ZNF676: variants seen among roughly 807,000 people sequenced by gnomAD.
ZNF676 encodes the protein zinc finger protein 676.
ZNF676 carries 4 observed loss-of-function variants against 6.0 expected under a neutral mutation model. The ratio of observed to expected loss-of-function variants is 0.67; its 90% CI spans 0.33 to 1.53. The LOEUF (loss-of-function observed/expected upper bound fraction) is 1.53, where lower values mean the gene tolerates loss of function less well. Ranked by LOEUF, ZNF676 falls within the 40% of genes most tolerant of loss-of-function variation. The pLI, the probability that ZNF676 is intolerant of heterozygous loss-of-function variation, is 0.06. For missense variants in ZNF676, 644 were observed against 679.7 expected (o/e 0.95, Z 0.58); for synonymous variants, 198 against 223.1 (o/e 0.89, Z 1.00).
At chr19:22,209,345 T>G (rs1315542217) in intron 1 of ZNF676, among the ~76,000 whole-genome samples, 1 of 125,650 alleles carries the variant, frequency 8.0e-6, no homozygotes. Context: ...AAAAAAAGAG[T>G]ATGTCCTTTG....
chr19:22,241,811 C>T, the ZNF676 span, among the ~76,000 whole-genome samples: 1 of 151,844 alleles, frequency 6.6e-6, no homozygotes, highest in African/African-American at 2.4e-5. Context: ...AAATGAGTCA[C>T]CATCTCATTT....
chr19:22,239,185 T>C, the ZNF676 span, among the ~76,000 whole-genome samples: 5 of 151,488 alleles, frequency 3.3e-5, no homozygotes, highest in African/African-American at 1.2e-4. Flanking sequence ...ACAGTCACAA[T>C]TCCAACTGTG....
At chr19:22,228,812 C>A in the ZNF676 span, among the ~76,000 whole-genome samples, 1 of 152,060 alleles carries the variant, frequency 6.6e-6, no homozygotes, top group Non-Finnish European at 1.5e-5. Flanking sequence ...TGTGAAGGAC[C>A]TTTTCAAGGA....
At chr19:22,194,164 G>C (rs1487704031) in intron 1 of ZNF676, among the ~76,000 whole-genome samples, 1 of 152,170 alleles carries the variant, frequency 6.6e-6, no homozygotes, top group African/African-American at 2.4e-5. Context: ...CATGCTTGGA[G>C]CACAATTCCT....
intron 1 of ZNF676, among the ~76,000 whole-genome samples, chr19:22,214,780 C>T (rs1483072250): frequency 1.3e-5 from 2 of 151,672 alleles, no homozygotes; most frequent in Admixed American, 6.6e-5. Flanking sequence ...TGACTCACAC[C>T]TATAATCCCA....
At chr19:22,229,568 C>A in the ZNF676 span, among the ~76,000 whole-genome samples, 4 of 152,112 alleles carry the variant, frequency 2.6e-5, no homozygotes, top group African/African-American at 4.8e-5. Context: ...AACAGGCAAC[C>A]TATGGAATGG....
At chr19:22,234,688 CT>C in the ZNF676 span, among the ~76,000 whole-genome samples, 2 of 152,130 alleles carry the variant, frequency 1.3e-5, no homozygotes, top group Non-Finnish European at 2.9e-5. Flanking sequence ...AATCCCAGCA[CT>C]TTGGGAAGCC....
intron 1 of ZNF676, among the ~76,000 whole-genome samples, chr19:22,208,748 G>A (rs1355852218): frequency 4.6e-5 from 7 of 151,924 alleles, no homozygotes; most frequent in Middle Eastern, 3.4e-3. Context: ...GTTTGAGACC[G>A]GCATGGACAA....
chr19:22,199,382 G>A (rs1250884915), upstream of ZNF676, among the ~76,000 whole-genome samples: 1 of 152,146 alleles, frequency 6.6e-6, no homozygotes, highest in Non-Finnish European at 1.5e-5. Context: ...AATTTACAGA[G>A]AAAACAGAAA....
chr19:22,197,097 C>T (rs2023975138), upstream of ZNF676: 3 of 210,926 alleles, frequency 1.4e-5, no homozygotes, highest in African/African-American at 2.4e-5. Flanking sequence ...CTGAGGTGGG[C>T]AGATCACCTG....
chr19:22,187,402 C>T (rs549881305), intron 2 of ZNF676, among the ~76,000 whole-genome samples: 6 of 152,174 alleles, frequency 3.9e-5, no homozygotes, highest in Non-Finnish European at 7.4e-5. Context: ...GCACTAAATG[C>T]CCACAAGAGA....
At chr19:22,254,838 A>G in the ZNF676 span, among the ~76,000 whole-genome samples, 1 of 152,180 alleles carries the variant, frequency 6.6e-6, no homozygotes, top group Non-Finnish European at 1.5e-5. Flanking sequence ...GAAAGTGCTA[A>G]GGCAAAAGTG....
At chr19:22,249,789 G>C in the ZNF676 span, among the ~76,000 whole-genome samples, 1 of 150,426 alleles carries the variant, frequency 6.6e-6, no homozygotes, top group East Asian at 2.0e-4. Context: ...GCACAGATCT[G>C]TTCCTTAACA....
chr19:22,179,598 C>T lies in ZNF676; in HGVS notation c.*352G>A. 1.1e-5 allele frequency: 5 copies of T among 473,224 alleles called. No individual in the cohort carries two copies. The highest frequency in any genetic ancestry group is 4.0e-6 in the Non-Finnish European group (1 of 250,284). The allele number at this position is 473,224 out of a possible 1,614,324, so 29.3% of individuals were successfully genotyped here. ...GGTTGAGAACTAATGAAAAGCTTTGCCACGTTTTTCACATTTGTAGGGCTT... is the reference window on the plus strand; with the variant it reads ...GGTTGAGAACTAATGAAAAGCTTTGTCACGTTTTTCACATTTGTAGGGCTT... On this transcript the variant is annotated 3_prime_UTR_variant, in exon 3 of 3. Transcript: ENST00000397121.
At chr19:22,249,957 A>C in the ZNF676 span, among the ~76,000 whole-genome samples, 2 of 151,756 alleles carry the variant, frequency 1.3e-5, no homozygotes, top group East Asian at 2.0e-4. Flanking sequence ...CCAAGGAGGG[A>C]GGATCACTTG....
upstream of ZNF676, among the ~76,000 whole-genome samples, chr19:22,200,368 A>AC: frequency 6.6e-6 from 1 of 152,140 alleles, no homozygotes; most frequent in East Asian, 1.9e-4. Context: ...AAACCACAAT[A>AC]TAAAGAAAGT....
chr19:22,190,440 T>C (rs973784968), intron 2 of ZNF676, among the ~76,000 whole-genome samples: 3 of 151,510 alleles, frequency 2.0e-5, no homozygotes, highest in African/African-American at 7.3e-5. Context: ...TTTGAAAAAA[T>C]AGAAACAGCA....
At chr19:22,231,047 AT>A in the ZNF676 span, among the ~76,000 whole-genome samples, 16 of 152,190 alleles carry the variant, frequency 1.1e-4, no homozygotes, top group Admixed American at 9.2e-4. Flanking sequence ...TGCAGAAAAC[AT>A]TTTTAAGTAT....
Position 22,180,174 on chromosome 19 carries a change from T to G in ZNF676, c.1543A>C (p.Ser515Arg). The change falls in exon 3 of 3, where the codon AGC (serine) becomes CGC (arginine). Residue 515 changes from serine (S) to arginine (R), a missense_variant. Transcript: ENST00000397121. ...TGTTCAGTAAGGATCGAGGACCAGCTGAAGGCTTTGCCACATTCTTCACAT... is the reference window on the plus strand; with the variant it reads ...TGTTCAGTAAGGATCGAGGACCAGCGGAAGGCTTTGCCACATTCTTCACAT... Reference protein sequence around the residue: ...YKCEECGKAFSWSSILTEHKI... With the variant: ...YKCEECGKAFRWSSILTEHKI... 1.2e-6 allele frequency: 2 copies of G among 1,613,618 alleles called. No homozygotes were observed. Among genetic ancestry groups the G allele is most frequent in the South Asian group, 1.1e-5 (1 of 91,016 alleles).
Sources: gnomAD v4.1 joint callset for allele counts (sites outside exome capture counted in the v4.1 genomes callset) on GRCh38, gnomAD v4.1.1 for gene constraint, MANE v1.5 for transcripts, NCBI Gene and HGNC (gene_info 2026-07-23, HGNC 2026-07-21) for gene names.